The following ADAMTS10 variants were observed in gnomAD, a reference collection of about 807,000 sequenced individuals.
ADAMTS10 encodes A disintegrin and metalloproteinase with thrombospondin motifs 10.
ADAMTS10 carries 48 observed loss-of-function variants against 135.9 expected under a neutral mutation model. The observed-to-expected ratio is 0.35, with a 90% CI of 0.28 to 0.45. The LOEUF (loss-of-function observed/expected upper bound fraction) is 0.45. Ranked by LOEUF, ADAMTS10 falls within the 20% of genes least tolerant of loss-of-function variation. The pLI is 1.00. For missense variants in ADAMTS10, 1,131 were observed against 1,565.2 expected, an observed-to-expected ratio of 0.72 and a Z score of 4.68; for synonymous variants, 621 against 647.5, an observed-to-expected ratio of 0.96 and a Z score of 0.62.
chr19:8,589,546 C>A lies in ADAMTS10; in HGVS notation c.1940G>T (p.Gly647Val), dbSNP rs2042491765. ...KACSLTCLAE[G>V]FNFYTERAAA... ...CGCCCTCTCCGTGTAGAAGTTGAAG[C>A]CTTCCGCTAGGCACGTGAGCGAGCA... Residue 647 changes from glycine (G) to valine (V), a missense_variant, in exon 17 of 26, where the codon GGC (glycine) becomes GTC (valine). Around this residue, in one of 3 missense-constraint regions of ADAMTS10, gnomAD observed 745 missense variants for 1,056.3 expected, o/e 0.71. Transcript: ENST00000597188. 6.2e-7 allele frequency: 1 copy of A among 1,613,478 alleles called. No individual in the cohort carries two copies. Among genetic ancestry groups the A allele is most frequent in the Non-Finnish European group, 8.5e-7 (1 of 1,179,960 alleles).
At chr19:8,607,793 CTGT>C (rs1287174809) in intron 2 of ADAMTS10, among the ~76,000 whole-genome samples, 16 of 150,578 alleles carry the variant, frequency 1.1e-4, no homozygotes, top group African/African-American at 3.9e-4. Context: ...TCCATTCCTT[CTGT>C]TGTTGTTCTC....
chr19:8,587,333 C>CTT (rs559435857), intron 18 of ADAMTS10, among the ~76,000 whole-genome samples: 5,013 of 77,480 alleles, frequency 0.065, 315 homozygotes, highest in Non-Finnish European at 0.08. Context: ...ACTAAAAAAC[C>CTT]TTTTTTTTTT....
chr19:8,589,812 T>G, intron 16 of ADAMTS10, 77 bp downstream of exon 16: 3 of 1,488,808 alleles, frequency 2.0e-6, no homozygotes, highest in Non-Finnish European at 2.8e-6. Flanking sequence ...CCCGGGATGC[T>G]GCATTCATCC....
chr19:8,600,818 C>T, intron 6 of ADAMTS10, 110 bp downstream of exon 6: 1 of 1,392,542 alleles, frequency 7.2e-7, no homozygotes, highest in Admixed American at 1.7e-5. Flanking sequence ...CTTTCTACCC[C>T]TGTCCCCACG....
At chr19:8,593,659 C>T (rs1450894600) in intron 12 of ADAMTS10, 8 of 152,176 alleles carry the variant, frequency 5.3e-5, no homozygotes, top group African/African-American at 1.9e-4. Context: ...CTGGAGAAGC[C>T]CCAGTGAGTT....
chr19:8,595,698 T>TCCCGCCCC, intron 12 of ADAMTS10, 64 bp downstream of exon 12: 1 of 1,291,948 alleles, frequency 7.7e-7, no homozygotes, highest in Non-Finnish European at 1.1e-6. Context: ...CTGGTGGAGT[T>TCCCGCCCC]CCCTCCCCCA....
chr19:8,594,862 G>A (rs2042583842), intron 12 of ADAMTS10, among the ~76,000 whole-genome samples: 1 of 152,186 alleles, frequency 6.6e-6, no homozygotes, highest in Non-Finnish European at 1.5e-5. Context: ...AGAGGGTGCT[G>A]CAGTTACCAG....
intron 6 of ADAMTS10, among the ~76,000 whole-genome samples, chr19:8,598,604 T>G (rs1600113154): frequency 2.5e-5 from 3 of 119,872 alleles, no homozygotes; most frequent in Admixed American, 1.2e-4. Context: ...GGAGATGGAG[T>G]CTCACTCTGT....
In ADAMTS10 at chr19:8,589,222, G is replaced by A. The variant is rs73501572; in HGVS notation, c.2158+20C>T. ...GCTGGCCCATGCAGGGAGTGTGGGA[G>A]GGAAGCTGGAGACTCTCACCGGCCC... is the stretch of plus-strand genomic sequence containing the variant. On this transcript the variant is annotated intron_variant, in intron 18 of 25. Coordinates refer to ENST00000597188, the MANE Select transcript of ADAMTS10 (RefSeq NM_030957.4). 186,975 of 1,612,032 alleles carry A rather than the reference G, an allele frequency of 0.12. 11,681 individuals carry two copies. Among genetic ancestry groups the A allele is most frequent in the Non-Finnish European group, 0.13 (153,273 of 1,179,926 alleles).
chr19:8,592,110 G>C lies in ADAMTS10; in HGVS notation c.1588-7C>G, dbSNP rs11882422. 7,944 of 1,613,450 alleles carry C rather than the reference G, an allele frequency of 4.9e-3. 334 individuals carry two copies. In the African/African-American group the frequency reaches 0.091, roughly 19 times the overall value. On this transcript the variant is annotated splice_region_variant and splice_polypyrimidine_tract_variant and intron_variant, in intron 13 of 25. Coordinates refer to ENST00000597188, the MANE Select transcript of ADAMTS10 (RefSeq NM_030957.4). Reference sequence around the variant, plus strand: ...AGACCCGTTTGTAGCACCACTGGGTGGGGGGAGACAGGAAGGAGTGAGTCC... The same window carrying C: ...AGACCCGTTTGTAGCACCACTGGGTCGGGGGAGACAGGAAGGAGTGAGTCC...
intron 18 of ADAMTS10, among the ~76,000 whole-genome samples, chr19:8,588,069 T>C (rs1403341001): frequency 4.0e-5 from 6 of 150,944 alleles, no homozygotes; most frequent in African/African-American, 1.5e-4. Context: ...GCCAATATGG[T>C]GAAACCCCAT....
In ADAMTS10 at chr19:8,600,758, G is replaced by A. The variant is rs189304471; in HGVS notation, c.810+170C>T. Among the ~76,000 whole-genome samples, 1,284 of 151,918 alleles carry A rather than the reference G, an allele frequency of 8.5e-3. 16 individuals carry two copies. Among genetic ancestry groups the A allele is most frequent in the African/African-American group, 0.028 (1,177 of 41,480 alleles). On this transcript the variant is annotated intron_variant, in intron 6 of 25. Coordinates refer to ENST00000597188, the MANE Select transcript of ADAMTS10 (RefSeq NM_030957.4). Reference sequence around the variant, plus strand: ...TGTGATCTGCCCGCCTTGGCCTCCCGAAGTGCTGGGATTACAGGTGTGAGC... The same window carrying A: ...TGTGATCTGCCCGCCTTGGCCTCCCAAAGTGCTGGGATTACAGGTGTGAGC...
chr19:8,592,986 C>CG, intron 12 of ADAMTS10, 116 bp from the exon 13 acceptor site: 1 of 958,014 alleles, frequency 1.0e-6, no homozygotes. Context: ...GCAGAGAGCC[C>CG]GGTGCTCCCT....
At position 8,605,291 on chromosome 19, in the gene ADAMTS10, T is replaced by G; in HGVS notation, c.156A>C (p.Ala52=). 6.2e-7 allele frequency: 1 copy of G among 1,612,334 alleles called. No individual in the cohort carries two copies. The highest frequency in any genetic ancestry group is 8.5e-7 in the Non-Finnish European group (1 of 1,179,316). The change falls in exon 4 of 26, where the codon GCA becomes GCC. Residue 52 remains alanine (A), a synonymous_variant. Transcript: ENST00000597188. The surrounding 1 kb of genome is among the most constrained non-coding windows in gnomAD (Gnocchi z 7.7). ...GAGGAGGTGGCGAGAAGGCCAGCAG[T>G]GCCCCGTTGTGGTCCACGCGGGTGG... ...AFPTRVDHNG[A]LLAFSPPPPR...
Position 8,601,845 on chromosome 19 carries a change from A to G in ADAMTS10, c.593-700T>C, listed in dbSNP as rs782044150. ...TGGCTGTTCCACTGCCTGTTTGCCA[A>G]CCTGTTCAGCTACCAGCCTGCCCCG... is the stretch of plus-strand genomic sequence containing the variant. On this transcript the variant is annotated intron_variant, in intron 5 of 25. Transcript: ENST00000597188. The surrounding 1 kb of genome is among the most constrained non-coding windows in gnomAD (Gnocchi z 4.6). Among the ~76,000 whole-genome samples, 6 of 152,052 alleles carry G rather than the reference A, an allele frequency of 3.9e-5. No homozygotes were observed. The highest frequency in any genetic ancestry group is 5.9e-5 in the Non-Finnish European group (4 of 68,022).
chr19:8,582,239 T>G (rs1220329912), intron 25 of ADAMTS10, among the ~76,000 whole-genome samples: 1 of 151,760 alleles, frequency 6.6e-6, no homozygotes, highest in Non-Finnish European at 1.5e-5. Flanking sequence ...GGAGGCTGAG[T>G]CGGGCGGATC....
In ADAMTS10 at chr19:8,580,675, A is replaced by C. The variant is rs2146024523; in HGVS notation, c.*218T>G. 1.8e-6 allele frequency: 1 copy of C among 547,004 alleles called. No individual in the cohort carries two copies. Among genetic ancestry groups the C allele is most frequent in the East Asian group, 3.1e-5 (1 of 31,774 alleles). 33.9% of individuals were successfully genotyped at this position (547,004 alleles called of 1,614,324 possible). ...CTGGAGGGGGGGTCTCACTATGTGA[A>C]CTGGAAGGGGCGGATGCTGAAGAGG... On this transcript the variant is annotated 3_prime_UTR_variant, in exon 26 of 26. Transcript: ENST00000597188.
At chr19:8,590,851 C>A (rs375776401) in intron 15 of ADAMTS10, among the ~76,000 whole-genome samples, 54 of 152,338 alleles carry the variant, frequency 3.5e-4, no homozygotes, top group African/African-American at 1.3e-3. Context: ...CTGCCTCAGC[C>A]TCCCAAAGTG....
At position 8,591,872 on chromosome 19, in the gene ADAMTS10, G is replaced by C. The variant is rs781981509; in HGVS notation, c.1734-9C>G. On this transcript the variant is annotated splice_polypyrimidine_tract_variant and intron_variant, in intron 14 of 25. Coordinates refer to ENST00000597188, the MANE Select transcript of ADAMTS10 (RefSeq NM_030957.4). ...TGCCCCCGATGGTTGGCCTGGAAAG[G>C]GTGGTGGGATAGGAGAGGGATGAGG... 1.5e-5 allele frequency: 24 copies of C among 1,613,280 alleles called. No individual in the cohort carries two copies. In the Admixed American group the frequency reaches 3.3e-4, roughly 22 times the overall value.
Sources: allele counts gnomAD v4.1 joint callset (sites outside exome capture counted in the v4.1 genomes callset), GRCh38; gene constraint gnomAD v4.1.1; regional missense constraint gnomAD v4.1.1; non-coding constraint Gnocchi (gnomAD v3.1); transcripts MANE v1.5; gene names NCBI Gene and HGNC (gene_info 2026-07-23, HGNC 2026-07-21).